The following PCDH15 variants were observed in gnomAD, a reference collection of about 807,000 sequenced individuals.
PCDH15 encodes protocadherin-15.
Under a neutral mutation model 178.5 loss-of-function variants are expected in PCDH15, and 129 were observed. The observed-to-expected ratio is 0.72, with a 90% CI of 0.63 to 0.84. The LOEUF (loss-of-function observed/expected upper bound fraction) is 0.84. PCDH15 is among the 40% of genes least tolerant of loss of function. The pLI, the probability that PCDH15 is intolerant of heterozygous loss-of-function variation, is 0.00. For missense variants in PCDH15, 2,230 were observed against 2,099.9 expected (o/e 1.06, Z -1.21); for synonymous variants, 800 against 732.0 (o/e 1.09, Z -1.50).
chr10:54,314,257 T>C (rs2061094347), intron 8 of PCDH15, among the ~76,000 whole-genome samples: 1 of 152,062 alleles, frequency 6.6e-6, no homozygotes, highest in East Asian at 1.9e-4. Context: ...TTTTTCACTG[T>C]TGTCTTTCCG....
intron 3 of PCDH15, among the ~76,000 whole-genome samples, chr10:54,863,945 T>A (rs1020070405): frequency 2.6e-5 from 4 of 152,200 alleles, no homozygotes; most frequent in Non-Finnish European, 4.4e-5. Flanking sequence ...ATTGGACTTA[T>A]TCTGTTAAAT....
intron 2 of PCDH15, among the ~76,000 whole-genome samples, chr10:55,380,983 T>C (rs564761975): frequency 6.6e-6 from 1 of 152,304 alleles, no homozygotes; most frequent in South Asian, 2.1e-4. Context: ...GATAAGGTAG[T>C]AAATGTTCTT....
chr10:55,295,322 A>T (rs1288626144), intron 1 of PCDH15, among the ~76,000 whole-genome samples: 1 of 152,216 alleles, frequency 6.6e-6, no homozygotes, highest in Non-Finnish European at 1.5e-5. Flanking sequence ...ACCTTCACAT[A>T]ACACAGCAAG....
chr10:54,107,360 AC>A (rs1193183772), intron 15 of PCDH15, among the ~76,000 whole-genome samples: 1 of 152,160 alleles, frequency 6.6e-6, no homozygotes, highest in Non-Finnish European at 1.5e-5. Flanking sequence ...AATTTCATAA[AC>A]CATTACAACG....
chr10:54,448,364 T>TGG, intron 3 of PCDH15, among the ~76,000 whole-genome samples: 2 of 151,838 alleles, frequency 1.3e-5, no homozygotes, highest in South Asian at 4.1e-4. Context: ...CCATTAATCA[T>TGG]TCCTTAGATG....
At chr10:53,986,585 T>C (rs1174534452) in intron 21 of PCDH15, among the ~76,000 whole-genome samples, 2 of 152,164 alleles carry the variant, frequency 1.3e-5, no homozygotes, top group Non-Finnish European at 2.9e-5. Context: ...TAAATGTTCA[T>C]TGATGGATGA....
intron 2 of PCDH15, among the ~76,000 whole-genome samples, chr10:54,963,337 T>C (rs544940403): frequency 8.4e-5 from 1 of 11,836 alleles, no homozygotes; most frequent in East Asian, 0.011. Flanking sequence ...TAAAATGTGT[T>C]TTTTTTTTTT....
chr10:54,060,036 G>A (rs534483772), intron 18 of PCDH15, among the ~76,000 whole-genome samples: 7 of 152,194 alleles, frequency 4.6e-5, no homozygotes, highest in South Asian at 4.1e-4. Flanking sequence ...AATCAGGATC[G>A]CAACCATGAG....
intron 1 of PCDH15, among the ~76,000 whole-genome samples, chr10:55,222,710 T>TAC (rs374141989): frequency 0.12 from 4,708 of 40,616 alleles, 128 homozygotes; most frequent in Non-Finnish European, 0.15. Flanking sequence ...TATATCTTTA[T>TAC]ACACACACAC....
intron 1 of PCDH15, among the ~76,000 whole-genome samples, chr10:54,702,554 A>AAC (rs1565984005): frequency 1.3e-4 from 19 of 151,560 alleles, no homozygotes; most frequent in African/African-American, 4.6e-4. Context: ...AAAAAAAAAA[A>AAC]AAAACCTTCA....
intron 2 of PCDH15, among the ~76,000 whole-genome samples, chr10:54,975,467 T>G (rs970559859): frequency 1.3e-5 from 2 of 152,186 alleles, no homozygotes; most frequent in African/African-American, 2.4e-5. Flanking sequence ...ACCGTAGATG[T>G]GTGAACTGAC....
intron 3 of PCDH15, among the ~76,000 whole-genome samples, chr10:54,820,965 G>A (rs1953027635): frequency 6.6e-6 from 1 of 151,964 alleles, no homozygotes; most frequent in African/African-American, 2.4e-5. Flanking sequence ...CTAAATACTT[G>A]CATGGAAAAT....
intron 2 of PCDH15, among the ~76,000 whole-genome samples, chr10:55,548,210 GCA>G (rs200097115): frequency 0.15 from 18,333 of 120,870 alleles, 1,121 homozygotes; most frequent in Non-Finnish European, 0.19. Flanking sequence ...AATGCCTAAT[GCA>G]CACACACACA....
At chr10:54,243,422 G>A (rs2055608109) in intron 8 of PCDH15, among the ~76,000 whole-genome samples, 1 of 152,158 alleles carries the variant, frequency 6.6e-6, no homozygotes, top group African/African-American at 2.4e-5. Flanking sequence ...CAGGAGAATG[G>A]CGTGAACCTG....
rs566405947 is a variant in PCDH15, at chr10:54,717,890, A to C, written c.-28-53600T>G. 2.1e-5 allele frequency among the ~76,000 whole-genome samples: 3 copies of C among 144,640 alleles called. 1 individual carries two copies. The highest frequency in any genetic ancestry group is 7.9e-5 in the African/African-American group (3 of 38,032). 94.9% of individuals were successfully genotyped at this position (144,640 alleles called of 152,430 possible). A position where few individuals can be genotyped will look rare whatever the true frequency, so the allele number is the denominator to read the frequency against. ...TGTCCAACAATGATAAACTGGATTA[A>C]GAAAATGTGGCACATATACACCATG... is the stretch of plus-strand genomic sequence containing the variant. On this transcript the variant is annotated intron_variant, in intron 1 of 37. Transcript: ENST00000644397.
intron 3 of PCDH15, among the ~76,000 whole-genome samples, chr10:54,482,289 CTT>C (rs2078773174): frequency 6.6e-6 from 1 of 151,744 alleles, no homozygotes; most frequent in Non-Finnish European, 1.5e-5. Context: ...GAAATACACT[CTT>C]CAGTAACAAA....
intron 10 of PCDH15, among the ~76,000 whole-genome samples, chr10:54,202,231 T>C (rs1016934563): frequency 5.3e-5 from 8 of 152,172 alleles, no homozygotes; most frequent in African/African-American, 1.9e-4. Flanking sequence ...TAATTTAATT[T>C]ACTTGCTTTA....
At chr10:53,822,262 G>A in intron 32 of PCDH15, 1 of 1,613,892 alleles carries the variant, frequency 6.2e-7, no homozygotes, top group East Asian at 2.2e-5. Flanking sequence ...ATAGAAGGAG[G>A]TGGTGGAGGA....
chr10:55,077,180 T>C (rs561269959), intron 2 of PCDH15, among the ~76,000 whole-genome samples: 51 of 152,204 alleles, frequency 3.4e-4, no homozygotes, highest in Admixed American at 2.6e-3. Flanking sequence ...TTTACAATTA[T>C]ACTGTTTCTT....
Sources: gnomAD v4.1 joint callset for allele counts (sites outside exome capture counted in the v4.1 genomes callset) on GRCh38, gnomAD v4.1.1 for gene constraint, MANE v1.5 for transcripts, NCBI Gene and HGNC (gene_info 2026-07-23, HGNC 2026-07-21) for gene names.